Variants in LHFPL3 observed in about 807,000 individuals in gnomAD.
LHFPL3 encodes the protein LHFPL tetraspan subfamily member 3 protein.
A neutral mutation model predicts 19.3 loss-of-function variants in LHFPL3; 5 were observed. That is an observed-to-expected ratio of 0.26 (90% CI 0.14 to 0.54). The LOEUF is 0.54. Ranked by LOEUF, LHFPL3 falls within the 20% of genes least tolerant of loss-of-function variation. The probability of loss-of-function intolerance (pLI) is 0.94; values close to 1 mark genes in which losing one functional copy is unlikely to be tolerated. For synonymous variants in LHFPL3, 133 were observed against 126.2 expected (o/e 1.05, Z -0.36); for missense variants, 249 against 307.4 (o/e 0.81, Z 1.42).
At chr7:104,874,684 C>T (rs548126851) in intron 2 of LHFPL3, among the ~76,000 whole-genome samples, 1 of 152,132 alleles carries the variant, frequency 6.6e-6, no homozygotes, top group Admixed American at 6.5e-5. Context: ...GCTGGGATTA[C>T]AGGCATGAGC....
At position 104,489,078 on chromosome 7, in the gene LHFPL3, CTTTTTTT is replaced by C. The variant is rs10706776; in HGVS notation, c.445+159870_445+159876del. ...TGCTCTACTCTCACTGTGCTGAAATCTTTTTTTTTTTTTTTTTTTTTTGAGACGGAGT... is the reference window on the plus strand; with the variant it reads ...TGCTCTACTCTCACTGTGCTGAAATCTTTTTTTTTTTTTTTGAGACGGAGT... On this transcript the variant is annotated intron_variant, in intron 1 of 2. Transcript: ENST00000424859. 1.4e-4 allele frequency among the ~76,000 whole-genome samples: 6 copies of C among 41,656 alleles called. 1 individual carries two copies. The highest frequency in any genetic ancestry group is 1.3e-4 in the Non-Finnish European group (2 of 14,864). 27.3% of individuals were successfully genotyped at this position (41,656 alleles called of 152,430 possible).
intron 1 of LHFPL3, among the ~76,000 whole-genome samples, chr7:104,511,111 C>G (rs147011190): frequency 4.0e-4 from 61 of 152,110 alleles, no homozygotes; most frequent in African/African-American, 1.4e-3. Context: ...AAAGAACTCT[C>G]AAAACCCAAC....
At chr7:104,496,758 A>T (rs1398487328) in intron 1 of LHFPL3, among the ~76,000 whole-genome samples, 5 of 152,164 alleles carry the variant, frequency 3.3e-5, no homozygotes, top group Non-Finnish European at 7.3e-5. Context: ...ATATAATGAA[A>T]TGAAGCCCCT....
chr7:104,736,560 T>C (rs1185765000), intron 1 of LHFPL3, 115 bp from the exon 2 acceptor site: 1 of 727,246 alleles, frequency 1.4e-6, no homozygotes, highest in Non-Finnish European at 2.3e-6. Flanking sequence ...TTGCTGTTTT[T>C]TAAATCAAGA....
chr7:104,441,221 C>A (rs1046401987), intron 1 of LHFPL3, among the ~76,000 whole-genome samples: 1 of 152,178 alleles, frequency 6.6e-6, no homozygotes, highest in Admixed American at 6.5e-5. Context: ...CCCCTGGCAA[C>A]CACCATTCTA....
At chr7:104,849,611 TTCAGGAG>T (rs2116610882) in intron 2 of LHFPL3, among the ~76,000 whole-genome samples, 1 of 152,366 alleles carries the variant, frequency 6.6e-6, no homozygotes, top group South Asian at 2.1e-4. Flanking sequence ...GATCCAAAGA[TTCAGGAG>T]AAATTGCCCA....
intron 2 of LHFPL3, among the ~76,000 whole-genome samples, chr7:104,834,187 G>T (rs754409930): frequency 1.3e-5 from 2 of 151,314 alleles, no homozygotes; most frequent in Non-Finnish European, 2.9e-5. Context: ...TCAAATGTTT[G>T]TCTCCTTTGG....
At chr7:104,495,503 C>G (rs1793453415) in intron 1 of LHFPL3, among the ~76,000 whole-genome samples, 1 of 152,218 alleles carries the variant, frequency 6.6e-6, no homozygotes. Flanking sequence ...CCTGCCTCAG[C>G]CTCCCAAGTA....
intron 2 of LHFPL3, among the ~76,000 whole-genome samples, chr7:104,778,989 T>C (rs1447904611): frequency 1.3e-5 from 2 of 152,230 alleles, no homozygotes; most frequent in Non-Finnish European, 2.9e-5. Context: ...ATACATACTC[T>C]TTAGGATCTC....
At chr7:104,341,635 C>T (rs1789955133) in intron 1 of LHFPL3, among the ~76,000 whole-genome samples, 1 of 152,196 alleles carries the variant, frequency 6.6e-6, no homozygotes, top group African/African-American at 2.4e-5. Flanking sequence ...CCAGACCTCT[C>T]AGTCTTTTGA....
chr7:104,849,624 G>T (rs1379247572), intron 2 of LHFPL3, among the ~76,000 whole-genome samples: 1 of 152,268 alleles, frequency 6.6e-6, no homozygotes, highest in Non-Finnish European at 1.5e-5. Context: ...AGGAGAAATT[G>T]CCCATTTTTA....
At chr7:104,860,960 G>T (rs1791608344) in intron 2 of LHFPL3, among the ~76,000 whole-genome samples, 1 of 152,148 alleles carries the variant, frequency 6.6e-6, no homozygotes, top group African/African-American at 2.4e-5. Flanking sequence ...ACTACCAGAG[G>T]CAATGCCATC....
chr7:104,868,558 G>C (rs1461000988), intron 2 of LHFPL3, among the ~76,000 whole-genome samples: 1 of 152,062 alleles, frequency 6.6e-6, no homozygotes, highest in African/African-American at 2.4e-5. Flanking sequence ...ACAAACCACG[G>C]CTCAATGAAA....
At chr7:104,846,260 G>C (rs4073643) in intron 2 of LHFPL3, among the ~76,000 whole-genome samples, 5 of 152,050 alleles carry the variant, frequency 3.3e-5, no homozygotes, top group African/African-American at 4.8e-5. Flanking sequence ...CCCTAACAGC[G>C]TACCTGGAAC....
chr7:104,509,285 AAGAC>A (rs139856222), intron 1 of LHFPL3, among the ~76,000 whole-genome samples: 8,846 of 152,010 alleles, frequency 0.058, 834 homozygotes, highest in African/African-American at 0.2. Flanking sequence ...AAAGGAAAGA[AAGAC>A]AGAAACTATG....
At chr7:104,835,578 G>C (rs1005315513) in intron 2 of LHFPL3, among the ~76,000 whole-genome samples, 4 of 85,560 alleles carry the variant, frequency 4.7e-5, no homozygotes, top group South Asian at 4.7e-4. Context: ...CCAGAACTTT[G>C]TTTTCTTTTT....
chr7:104,468,863 G>T (rs1025806388), intron 1 of LHFPL3, among the ~76,000 whole-genome samples: 6 of 152,060 alleles, frequency 3.9e-5, no homozygotes, highest in Non-Finnish European at 8.8e-5. Flanking sequence ...GTTTCACCAT[G>T]TTGGCCAGGC....
At chr7:104,789,628 A>T (rs1789984718) in intron 2 of LHFPL3, among the ~76,000 whole-genome samples, 1 of 152,074 alleles carries the variant, frequency 6.6e-6, no homozygotes, top group Non-Finnish European at 1.5e-5. Flanking sequence ...CCCCAATTTT[A>T]CACTACATTT....
chr7:104,779,542 GT>G (rs1794685888), intron 2 of LHFPL3, among the ~76,000 whole-genome samples: 2 of 152,052 alleles, frequency 1.3e-5, no homozygotes, highest in African/African-American at 4.8e-5. Context: ...TGGCTGGTGT[GT>G]TTCCCCTCTC....
Sources: allele counts gnomAD v4.1 joint callset (sites outside exome capture counted in the v4.1 genomes callset), GRCh38; gene constraint gnomAD v4.1.1; transcripts MANE v1.5; gene names NCBI Gene and HGNC (gene_info 2026-07-23, HGNC 2026-07-21).